The following CGREF1 variants were observed in gnomAD, a reference collection of about 807,000 sequenced individuals.
CGREF1 encodes cell growth regulator with EF hand domain protein 1.
In CGREF1, 16 loss-of-function variants were observed where a neutral mutation model predicts 17.4. The observed-to-expected ratio is 0.92, with a 90% CI of 0.62 to 1.40. CGREF1 has a LOEUF of 1.40. Among genes scored for constraint, CGREF1 ranks in the 40% most tolerant of loss-of-function variants. The pLI, the probability that CGREF1 is intolerant of heterozygous loss-of-function variation, is 0.00. For missense variants in CGREF1, 296 were observed against 376.4 expected (o/e 0.79, Z 1.77); for synonymous variants, 142 against 154.6 (o/e 0.92, Z 0.61).
intron 1 of CGREF1, among the ~76,000 whole-genome samples, chr2:27,115,502 C>G (rs1671535686): frequency 6.6e-6 from 1 of 152,172 alleles, no homozygotes; most frequent in Admixed American, 6.5e-5. Context: ...TTACAGTGAA[C>G]ATTAAATGAA....
At chr2:27,113,537 G>A (rs542023084) in intron 1 of CGREF1, among the ~76,000 whole-genome samples, 8 of 152,186 alleles carry the variant, frequency 5.3e-5, no homozygotes, top group East Asian at 1.9e-4. Context: ...AAATGTTAAC[G>A]CAAGAAAAAC....
At chr2:27,106,606 G>A (rs1432220360) in intron 1 of CGREF1, among the ~76,000 whole-genome samples, 1 of 152,066 alleles carries the variant, frequency 6.6e-6, no homozygotes, top group Non-Finnish European at 1.5e-5. Context: ...GATCTAATGT[G>A]GATTTTTTGT....
rs867124247 is a variant in CGREF1, at chr2:27,112,416, A to G, written c.-12+6430T>C. On this transcript the variant is annotated intron_variant, in intron 1 of 5. Coordinates refer to ENST00000402394, the MANE Select transcript of CGREF1 (RefSeq NM_006569.6). ...GGCCAATTTCCTAGAAAAACTTAAT[A>G]GCAAAACTGATGCAAAAAGAAATAA... 3.3e-5 allele frequency among the ~76,000 whole-genome samples: 5 copies of G among 152,380 alleles called. No homozygotes were observed. In the South Asian group the frequency reaches 1.0e-3, roughly 32 times the overall value.
At chr2:27,108,530 C>T in intron 1 of CGREF1, among the ~76,000 whole-genome samples, 1 of 152,032 alleles carries the variant, frequency 6.6e-6, no homozygotes, top group Non-Finnish European at 1.5e-5. Context: ...TATGCCAATC[C>T]AGGAAGCCCA....
chr2:27,099,474 T>C (rs1284564509), downstream of CGREF1: 3 of 1,614,122 alleles, frequency 1.9e-6, no homozygotes, highest in African/African-American at 1.3e-5. Context: ...TGGGCCCTGA[T>C]GGCAAATTGC....
At position 27,102,202 on chromosome 2, in the gene CGREF1, G is replaced by A. The variant is rs1472413052; in HGVS notation, c.237C>T (p.Ala79=). 2.5e-6 allele frequency: 4 copies of A among 1,611,876 alleles called. No homozygotes were observed. The highest frequency in any genetic ancestry group is 3.4e-6 in the Non-Finnish European group (4 of 1,178,300). ...GTCCACTCTGGTCATAGTCATGGAGGGCAAAGAGGTAGAGGAGAACTAAAG... is the reference window on the plus strand; with the variant it reads ...GTCCACTCTGGTCATAGTCATGGAGAGCAAAGAGGTAGAGGAGAACTAAAG... ...SREQVLLYLF[A]LHDYDQSGQL... is the part of the protein sequence containing the mutation. The change falls in exon 5 of 6, where the codon GCC becomes GCT. Residue 79 remains alanine (A), a synonymous_variant. Transcript: ENST00000402394.
chr2:27,105,555 C>CTTTTCT (rs1553346766), intron 1 of CGREF1, among the ~76,000 whole-genome samples: 38 of 150,778 alleles, frequency 2.5e-4, no homozygotes, highest in Middle Eastern at 3.4e-3. Flanking sequence ...TCTTTTTTTT[C>CTTTTCT]TTTTTTTTTG....
At chr2:27,099,517 G>T, downstream of CGREF1, 1 of 1,614,192 alleles carries the variant, frequency 6.2e-7, no homozygotes, top group South Asian at 1.1e-5. Context: ...ACCCCGCGTG[G>T]TGGATACACT....
Position 27,102,231 on chromosome 2 carries a change from AGAG to A in CGREF1, c.218-13_218-11del, listed in dbSNP as rs1332422183. ...AAGAGGTAGAGGAGAACTAAAGAGA[AGAG>A]AAGCTGGATTAGAAGAGGTGCCGGG... On this transcript the variant is annotated splice_polypyrimidine_tract_variant and intron_variant, in intron 4 of 5. Coordinates refer to ENST00000402394, the MANE Select transcript of CGREF1 (RefSeq NM_006569.6). 1 of 1,610,934 alleles carries A rather than the reference AGAG, an allele frequency of 6.2e-7. No homozygotes were observed. The highest frequency in any genetic ancestry group is 1.1e-5 in the South Asian group (1 of 90,984).
downstream of CGREF1, chr2:27,099,398 G>A: frequency 6.2e-7 from 1 of 1,612,748 alleles, no homozygotes; most frequent in Non-Finnish European, 8.5e-7. Context: ...CTAACACCCA[G>A]CTGAGTGGAG....
At chr2:27,113,990 CTTTTT>C (rs60288087) in intron 1 of CGREF1, among the ~76,000 whole-genome samples, 1 of 102,336 alleles carries the variant, frequency 9.8e-6, no homozygotes, top group East Asian at 2.7e-4. Context: ...TAGCAGGTGC[CTTTTT>C]TTTTTTTTTT....
intron 1 of CGREF1, among the ~76,000 whole-genome samples, chr2:27,105,297 G>A (rs1671074817): frequency 6.6e-6 from 1 of 152,192 alleles, no homozygotes; most frequent in African/African-American, 2.4e-5. Flanking sequence ...CTGACACTGG[G>A]TTTTCCTAGA....
intron 1 of CGREF1, among the ~76,000 whole-genome samples, chr2:27,110,175 T>C (rs748663977): frequency 1.3e-5 from 2 of 151,658 alleles, no homozygotes; most frequent in African/African-American, 2.4e-5. Context: ...CTGGGCAACA[T>C]AGTCTCTGTT....
intron 5 of CGREF1, 32 bp from the exon 6 acceptor site, chr2:27,101,920 G>A: frequency 6.2e-7 from 1 of 1,602,386 alleles, no homozygotes; most frequent in East Asian, 2.2e-5. Flanking sequence ...GGGGTCTCCA[G>A]GGACAGAGAT....
downstream of CGREF1, chr2:27,100,259 C>A: frequency 1.0e-5 from 4 of 398,056 alleles, no homozygotes; most frequent in Non-Finnish European, 1.9e-5. Context: ...AGCTGGGAGT[C>A]CACACCGCTG....
chr2:27,099,892 G>A, downstream of CGREF1: 1 of 1,538,900 alleles, frequency 6.5e-7, no homozygotes, highest in African/African-American at 1.4e-5. Context: ...TGTGTCCTGT[G>A]TTCCCCACAG....
Position 27,102,507 on chromosome 2 carries a change from C to T in CGREF1, c.146+19G>A. 6.2e-7 allele frequency: 1 copy of T among 1,613,918 alleles called. No homozygotes were observed. The highest frequency in any genetic ancestry group is 1.1e-5 in the South Asian group (1 of 91,076). On this transcript the variant is annotated intron_variant, in intron 3 of 5. Coordinates refer to ENST00000402394, the MANE Select transcript of CGREF1 (RefSeq NM_006569.6). Reference sequence around the variant, plus strand: ...GCCTGGTCTTCTCCCTGAAAGCACCCCCGGCCCACCCTACTCACCCGAGCT... The same window carrying T: ...GCCTGGTCTTCTCCCTGAAAGCACCTCCGGCCCACCCTACTCACCCGAGCT...
At position 27,104,881 on chromosome 2, in the gene CGREF1, G is replaced by A. The variant is rs140059912; in HGVS notation, c.-11-504C>T. The A allele has an allele frequency of 3.5e-4, 448 of 1,280,470 alleles. 1 individual carries two copies. The East Asian group carries it at 7.4e-3, about 21-fold the overall frequency. The allele number at this position is 1,280,470 out of a possible 1,614,324, so 79.3% of individuals were successfully genotyped here. ...AAACCCACTGAAGAACAAATCAAAAGAGGCGCAGACTTCTTGAAATAGGTC... is the reference window on the plus strand; with the variant it reads ...AAACCCACTGAAGAACAAATCAAAAAAGGCGCAGACTTCTTGAAATAGGTC... On this transcript the variant is annotated intron_variant, in intron 1 of 5. Transcript: ENST00000402394.
chr2:27,112,679 C>G (rs1162494640), intron 1 of CGREF1, among the ~76,000 whole-genome samples: 2 of 152,116 alleles, frequency 1.3e-5, no homozygotes, highest in Non-Finnish European at 2.9e-5. Flanking sequence ...ATGTAAGCAA[C>G]CTGAATGTCT....
Sources: allele counts gnomAD v4.1 joint callset (sites outside exome capture counted in the v4.1 genomes callset), GRCh38; gene constraint gnomAD v4.1.1; transcripts MANE v1.5; gene names NCBI Gene and HGNC (gene_info 2026-07-23, HGNC 2026-07-21).